The following RRP7A variants were observed in gnomAD, a reference collection of about 807,000 sequenced individuals.
RRP7A encodes ribosomal RNA-processing protein 7 homolog A.
In RRP7A, 27 loss-of-function variants were observed where a neutral mutation model predicts 38.4. The observed-to-expected ratio is 0.70, with a 90% CI of 0.52 to 0.97. The LOEUF (loss-of-function observed/expected upper bound fraction) is 0.97. RRP7A is among the 50% of genes least tolerant of loss of function. The pLI is 0.00. For missense variants in RRP7A, 327 were observed against 375.4 expected, an observed-to-expected ratio of 0.87 and a Z score of 1.07; for synonymous variants, 124 against 150.3, an observed-to-expected ratio of 0.83 and a Z score of 1.28.
Position 42,511,928 on chromosome 22 carries a change from G to A in RRP7A, c.*982C>T. ...CCTGGGAGGCCTCCAAGTCCCTAAG[G>A]TTAGACATCTCCTGGGGTGCTATGG... On this transcript the variant is annotated 3_prime_UTR_variant, in exon 7 of 7. Coordinates refer to ENST00000323013, the MANE Select transcript of RRP7A (RefSeq NM_015703.5). 1.5e-6 allele frequency: 1 copy of A among 671,206 alleles called. No individual in the cohort carries two copies. Among genetic ancestry groups the A allele is most frequent in the East Asian group, 2.5e-5 (1 of 39,258 alleles). 41.6% of individuals were successfully genotyped at this position (671,206 alleles called of 1,614,324 possible).
At chr22:42,514,576 CTACAG>C (rs1261695596) in intron 5 of RRP7A, 101 bp downstream of exon 5, 2 of 1,017,358 alleles carry the variant, frequency 2.0e-6, no homozygotes, top group Non-Finnish European at 3.0e-6. Context: ...AGCCTGGCCT[CTACAG>C]AGTGGCCAAG....
At chr22:42,519,001 G>A (rs1398742931) in intron 1 of RRP7A, among the ~76,000 whole-genome samples, 1 of 146,864 alleles carries the variant, frequency 6.8e-6, no homozygotes, top group East Asian at 1.9e-4. Flanking sequence ...CCTCTTTGAG[G>A]AAGCAACATT....
intron 1 of RRP7A, among the ~76,000 whole-genome samples, chr22:42,519,321 G>A (rs1920940676): frequency 1.3e-5 from 2 of 151,530 alleles, no homozygotes; most frequent in African/African-American, 4.9e-5. Context: ...GGAGAAGGAG[G>A]GCAACCGAGT....
rs1932415707 is a variant in RRP7A at position 42,510,313 on chromosome 22, G to C, written c.*2597C>G. Reference sequence around the variant, plus strand: ...TTGTGAAGACATAAATTCTCTCTCAGAGCAAGTGTGGGCTCCAGCGCCTGT... The same window carrying C: ...TTGTGAAGACATAAATTCTCTCTCACAGCAAGTGTGGGCTCCAGCGCCTGT... On this transcript the variant is annotated 3_prime_UTR_variant, in exon 7 of 7. Transcript: ENST00000323013. 1 of 161,166 alleles carries C rather than the reference G, an allele frequency of 6.2e-6. No individual in the cohort carries two copies. Among genetic ancestry groups the C allele is most frequent in the African/African-American group, 2.4e-5 (1 of 41,844 alleles). 10.0% of individuals were successfully genotyped at this position (161,166 alleles called of 1,614,324 possible). A position where few individuals can be genotyped will look rare whatever the true frequency, so the allele number is the denominator to read the frequency against.
Position 42,514,330 on chromosome 22 carries a change from C to T in RRP7A, c.559-26G>A, listed in dbSNP as rs114763702. ...CTGCAAGGAAGGTGATCCCATCCTC[C>T]GGTGGGACCTCCTGCAGCCTCCAGC... On this transcript the variant is annotated intron_variant, in intron 5 of 6. Coordinates refer to ENST00000323013, the MANE Select transcript of RRP7A (RefSeq NM_015703.5). 6.0e-4 allele frequency: 895 copies of T among 1,483,468 alleles called. 45 individuals carry two copies. The African/African-American group carries it at 0.011, about 18-fold the overall frequency. 91.9% of individuals were successfully genotyped at this position (1,483,468 alleles called of 1,614,324 possible). A position where few individuals can be genotyped will look rare whatever the true frequency, so the allele number is the denominator to read the frequency against.
chr22:42,517,330 G>A (rs1002176858), intron 2 of RRP7A, among the ~76,000 whole-genome samples: 3 of 121,988 alleles, frequency 2.5e-5, no homozygotes, highest in African/African-American at 9.9e-5. Context: ...AATTCCCTTA[G>A]CTTAGTTTTT....
At position 42,509,964 on chromosome 22, in the gene RRP7A, C is replaced by CTTTTTT. The variant is rs60335800; in HGVS notation, c.*2940_*2945dup. 8.1e-6 allele frequency: 1 copy of CTTTTTT among 122,906 alleles called. No individual in the cohort carries two copies. The highest frequency in any genetic ancestry group is 1.7e-5 in the Non-Finnish European group (1 of 57,944). 7.6% of individuals were successfully genotyped at this position (122,906 alleles called of 1,614,324 possible). ...GTATTAAAAACCACGGGATTGTAGACTTTTTTTTTTTTTTTTTTGAGATGG... is the reference window on the plus strand; with the variant it reads ...GTATTAAAAACCACGGGATTGTAGACTTTTTTTTTTTTTTTTTTTTTTTTGAGATGG... On this transcript the variant is annotated 3_prime_UTR_variant, in exon 7 of 7. Coordinates refer to ENST00000323013, the MANE Select transcript of RRP7A (RefSeq NM_015703.5).
chr22:42,509,225 T>A lies in RRP7A; in HGVS notation c.*3685A>T. The A allele has an allele frequency of 6.5e-7, 1 of 1,540,762 alleles. No individual in the cohort carries two copies. Among genetic ancestry groups the A allele is most frequent in the Non-Finnish European group, 8.8e-7 (1 of 1,139,814 alleles). ...GTTCTCTGCGTGTCGACCACATCGC[T>A]AAGACTCAAGATCTTTTTTGGGAAG... On this transcript the variant is annotated 3_prime_UTR_variant, in exon 7 of 7. Transcript: ENST00000323013.
chr22:42,514,815 C>T, intron 4 of RRP7A, 36 bp from the exon 5 acceptor site: 1 of 1,515,910 alleles, frequency 6.6e-7, no homozygotes, highest in Non-Finnish European at 9.0e-7. Flanking sequence ...GGGGCTTCCT[C>T]AGGCCTGGCA....
At chr22:42,517,580 C>T (rs905265800) in intron 2 of RRP7A, among the ~76,000 whole-genome samples, 23 of 151,962 alleles carry the variant, frequency 1.5e-4, no homozygotes, top group African/African-American at 1.4e-4. Context: ...AGTGCAGTGG[C>T]GCGATCTTGG....
chr22:42,514,115 T>C lies in RRP7A; in HGVS notation c.748A>G (p.Lys250Glu), dbSNP rs753624956. 8 of 1,612,636 alleles carry C rather than the reference T, an allele frequency of 5.0e-6. No individual in the cohort carries two copies. The East Asian group carries it at 1.6e-4, about 31-fold the overall frequency. The change falls in exon 6 of 7, where the codon AAG (lysine) becomes GAG (glutamate). Residue 250 changes from lysine (K) to glutamate (E), a missense_variant. By Grantham distance (56) the Lys-to-Glu change is moderately conservative (BLOSUM62 1). Around this residue, in one of 5 missense-constraint regions of RRP7A, gnomAD observed 84 missense variants for 82.8 expected, o/e 1.01. Transcript: ENST00000323013. ...ACTGGGGGTGGCTTACGCTCCATCT[T>C]GCTCTCTCGATGCTGCCAGGCGTAG... ...NFYAWQHRES[K>E]MEHLAQLRKK...
At chr22:42,519,615 C>G (rs1420902023) in intron 1 of RRP7A, 99 bp downstream of exon 1, 126 of 1,068,858 alleles carry the variant, frequency 1.2e-4, no homozygotes, top group Non-Finnish European at 1.4e-4. Flanking sequence ...TCACACCCAA[C>G]CGTGCGGCCG....
chr22:42,509,076 A>G lies in RRP7A; in HGVS notation c.*3834T>C. 1 of 1,613,834 alleles carries G rather than the reference A, an allele frequency of 6.2e-7. No homozygotes were observed. Among genetic ancestry groups the G allele is most frequent in the East Asian group, 2.2e-5 (1 of 44,886 alleles). On this transcript the variant is annotated 3_prime_UTR_variant, in exon 7 of 7. Coordinates refer to ENST00000323013, the MANE Select transcript of RRP7A (RefSeq NM_015703.5). ...CAGCAGGGAGCTGTGTGCGCATTCCATCAGGAAGCTGCAGGCCCATGTCCT... is the reference window on the plus strand; with the variant it reads ...CAGCAGGGAGCTGTGTGCGCATTCCGTCAGGAAGCTGCAGGCCCATGTCCT...
Position 42,510,416 on chromosome 22 carries a change from C to T in RRP7A, c.*2494G>A, listed in dbSNP as rs368582147. ...CTGCGCCCCAGCAAGGCTGTGCCTT[C>T]AGCACTTGCTTGCGCCTGGCTTGTG... is the stretch of plus-strand genomic sequence containing the variant. On this transcript the variant is annotated 3_prime_UTR_variant, in exon 7 of 7. Coordinates refer to ENST00000323013, the MANE Select transcript of RRP7A (RefSeq NM_015703.5). 2 of 256,068 alleles carry T rather than the reference C, an allele frequency of 7.8e-6. No individual in the cohort carries two copies. Among genetic ancestry groups the T allele is most frequent in the Admixed American group, 5.6e-5 (1 of 17,948 alleles). 15.9% of individuals were successfully genotyped at this position (256,068 alleles called of 1,614,324 possible).
Position 42,519,743 on chromosome 22 carries a change from T to C in RRP7A, c.44A>G (p.Asp15Gly), listed in dbSNP as rs1447452253. The C allele has an allele frequency of 2.1e-6, 3 of 1,456,574 alleles. No individual in the cohort carries two copies. Among genetic ancestry groups the C allele is most frequent in the Non-Finnish European group, 2.7e-6 (3 of 1,106,716 alleles). 90.2% of individuals were successfully genotyped at this position (1,456,574 alleles called of 1,614,324 possible). A position where few individuals can be genotyped will look rare whatever the true frequency, so the allele number is the denominator to read the frequency against. Reference sequence around the variant, plus strand: ...GTAGCCCAGTGGGCTGGGGATACGGTCCTCCGGGTCCCGCGCGGCGCACTT... The same window carrying C: ...GTAGCCCAGTGGGCTGGGGATACGGCCCTCCGGGTCCCGCGCGGCGCACTT... ...RRKCAARDPE[D>G]RIPSPLGYAA... The change falls in exon 1 of 7, where the codon GAC (aspartate) becomes GGC (glycine). Residue 15 changes from aspartate to glycine, a missense_variant. Around this residue, in one of 5 missense-constraint regions of RRP7A, gnomAD observed 183 missense variants for 141.8 expected, o/e 1.29. Transcript: ENST00000323013.
Position 42,509,194 on chromosome 22 carries a change from C to T in RRP7A, c.*3716G>A. 2 of 1,592,610 alleles carry T rather than the reference C, an allele frequency of 1.3e-6. No individual in the cohort carries two copies. Among genetic ancestry groups the T allele is most frequent in the South Asian group, 2.2e-5 (2 of 89,276 alleles). On this transcript the variant is annotated 3_prime_UTR_variant, in exon 7 of 7. Coordinates refer to ENST00000323013, the MANE Select transcript of RRP7A (RefSeq NM_015703.5). ...TCTGGGAGGGGGCCCTGGCATGAGGCTCCAAGTTCTCTGCGTGTCGACCAC... is the reference window on the plus strand; with the variant it reads ...TCTGGGAGGGGGCCCTGGCATGAGGTTCCAAGTTCTCTGCGTGTCGACCAC...
chr22:42,514,128 C>T lies in RRP7A; in HGVS notation c.735G>A (p.Gln245=), dbSNP rs1272290593. 1 of 1,613,288 alleles carries T rather than the reference C, an allele frequency of 6.2e-7. No individual in the cohort carries two copies. The highest frequency in any genetic ancestry group is 8.5e-7 in the Non-Finnish European group (1 of 1,179,796). Residue 245 remains glutamine (Q), a synonymous_variant, in exon 6 of 7, where the codon CAG becomes CAA. Transcript: ENST00000323013. Reference sequence around the variant, plus strand: ...TACGCTCCATCTTGCTCTCTCGATGCTGCCAGGCGTAGAAGTTGAGCAGCT... The same window carrying T: ...TACGCTCCATCTTGCTCTCTCGATGTTGCCAGGCGTAGAAGTTGAGCAGCT... ...RKELLNFYAW[Q]HRESKMEHLA... is the part of the protein sequence containing the mutation.
chr22:42,509,185 G>C lies in RRP7A; in HGVS notation c.*3725C>G. On this transcript the variant is annotated 3_prime_UTR_variant, in exon 7 of 7. Transcript: ENST00000323013. Reference sequence around the variant, plus strand: ...CCAGGAATCTCTGGGAGGGGGCCCTGGCATGAGGCTCCAAGTTCTCTGCGT... The same window carrying C: ...CCAGGAATCTCTGGGAGGGGGCCCTCGCATGAGGCTCCAAGTTCTCTGCGT... 1 of 1,602,774 alleles carries C rather than the reference G, an allele frequency of 6.2e-7. No individual in the cohort carries two copies. Among genetic ancestry groups the C allele is most frequent in the South Asian group, 1.1e-5 (1 of 90,218 alleles).
rs1358006190 is a variant in RRP7A at position 42,510,922 on chromosome 22, AAC to A, written c.*1986_*1987del. ...GGACACATGTAATCAGAATTTAAGA[AAC>A]AGAGACCTTTGGTGGGGAGGTTCTT... On this transcript the variant is annotated 3_prime_UTR_variant, in exon 7 of 7. Coordinates refer to ENST00000323013, the MANE Select transcript of RRP7A (RefSeq NM_015703.5). 2.1e-5 allele frequency: 10 copies of A among 467,746 alleles called. No individual in the cohort carries two copies. The highest frequency in any genetic ancestry group is 2.7e-5 in the Non-Finnish European group (9 of 337,474). The allele number at this position is 467,746 out of a possible 1,614,324, so 29.0% of individuals were successfully genotyped here.
Sources: allele counts gnomAD v4.1 joint callset (sites outside exome capture counted in the v4.1 genomes callset), GRCh38; gene constraint gnomAD v4.1.1; regional missense constraint gnomAD v4.1.1; transcripts MANE v1.5; gene names NCBI Gene and HGNC (gene_info 2026-07-23, HGNC 2026-07-21).